The following TUBA3E variants were observed in gnomAD, a reference collection of about 807,000 sequenced individuals.
TUBA3E encodes the protein tubulin alpha 3e, also known as tubulin alpha-3E chain.
In TUBA3E, 21 loss-of-function variants were observed where a neutral mutation model predicts 36.7. The observed-to-expected ratio is 0.57, with a 90% CI of 0.41 to 0.83. The LOEUF is 0.83. Among genes scored for constraint, TUBA3E ranks in the 40% least tolerant of loss-of-function variants. The probability of loss-of-function intolerance (pLI) is 0.00; values close to 1 mark genes in which losing one functional copy is unlikely to be tolerated. For missense variants in TUBA3E, 469 were observed against 604.2 expected (o/e 0.78, Z 2.35); for synonymous variants, 177 against 241.9 (o/e 0.73, Z 2.49).
chr2:130,192,568 G>A (rs1366316324), intron 4 of TUBA3E, among the ~76,000 whole-genome samples: 4 of 152,206 alleles, frequency 2.6e-5, no homozygotes, highest in East Asian at 3.9e-4. Context: ...ACAAGCCACT[G>A]TGGATATGCA....
intron 4 of TUBA3E, among the ~76,000 whole-genome samples, chr2:130,192,340 G>A (rs1456598951): frequency 6.6e-6 from 1 of 152,194 alleles, no homozygotes; most frequent in Non-Finnish European, 1.5e-5. Flanking sequence ...ACCCTGGTGG[G>A]ATCCCAAGCT....
rs527922708 is a variant in TUBA3E at position 130,194,225 on chromosome 2, T to C, written c.617A>G (p.Asn206Ser). ...CCGACATATGTCATAGATGGCTTCA[T>C]TGTCGACCATGAAGGCACAGTCAGA... ...EHSDCAFMVD[N>S]EAIYDICRRN... Residue 206 changes from asparagine (N) to serine (S), a missense_variant, in exon 4 of 5, where the codon AAT becomes AGT. Asn to Ser is a conservative substitution (Grantham distance 46). Coordinates refer to ENST00000312988, the MANE Select transcript of TUBA3E (RefSeq NM_207312.3). 3.2e-5 allele frequency: 52 copies of C among 1,612,484 alleles called. No homozygotes were observed. The highest frequency in any genetic ancestry group is 3.8e-4 in the Middle Eastern group (2 of 5,278).
chr2:130,192,575 TGCAAAG>T (rs1690292796), intron 4 of TUBA3E, among the ~76,000 whole-genome samples: 1 of 152,196 alleles, frequency 6.6e-6, no homozygotes, highest in Admixed American at 6.5e-5. Flanking sequence ...ACTGTGGATA[TGCAAAG>T]GTAGCAGATC....
At chr2:130,193,512 G>A (rs1271779534) in intron 4 of TUBA3E, among the ~76,000 whole-genome samples, 1 of 151,000 alleles carries the variant, frequency 6.6e-6, no homozygotes. Context: ...GGGAGGGTGA[G>A]GCCAGAGAAT....
In TUBA3E at chr2:130,196,364, C is replaced by T; in HGVS notation, c.11G>A (p.Cys4Tyr). ...CGCCTGCCCCACGTGGATAGAGATA[C>T]ACTCGCGCTGTGAACCGGAACATAA... is the stretch of plus-strand genomic sequence containing the variant. Reference protein sequence around the residue: MRECISIHVGQAGV... With the variant: MREYISIHVGQAGV... Residue 4 changes from cysteine to tyrosine, a missense_variant, in exon 2 of 5, where the codon TGT becomes TAT. Physicochemically the swap from Cys to Tyr is radical, Grantham distance 194. This residue lies in a region of TUBA3E where 169 missense variants were observed against 239.0 expected (regional missense o/e 0.71). Transcript: ENST00000312988. 2.5e-6 allele frequency: 4 copies of T among 1,612,576 alleles called. No homozygotes were observed. The highest frequency in any genetic ancestry group is 2.2e-5 in the East Asian group (1 of 44,856).
Position 130,195,071 on chromosome 2 carries a change from C to G in TUBA3E, c.375+8G>C, listed in dbSNP as rs201762331. On this transcript the variant is annotated splice_region_variant and intron_variant, in intron 3 of 4. Transcript: ENST00000312988. The stretch of plus-strand genomic sequence containing the variant: ...AGACAATGGCCACATGAAACCTTCT[C>G]TTCTTACCAGTTTGCGGATCCGGTC... 151 of 1,612,806 alleles carry G rather than the reference C, an allele frequency of 9.4e-5. 1 individual carries two copies. The highest frequency in any genetic ancestry group is 1.2e-4 in the Non-Finnish European group (140 of 1,179,172).
In TUBA3E at chr2:130,198,303, G is replaced by A. The variant is rs1690462291; in HGVS notation, c.3+55C>T. The A allele has an allele frequency of 1.2e-5, 16 of 1,349,576 alleles. 4 individuals are homozygous for A. The highest frequency in any genetic ancestry group is 1.1e-4 in the South Asian group (8 of 74,954). 83.6% of individuals were successfully genotyped at this position (1,349,576 alleles called of 1,614,324 possible). A position where few individuals can be genotyped will look rare whatever the true frequency, so the allele number is the denominator to read the frequency against. ...CGCAACAACGTCCCTCTGTCCACCC[G>A]AGGCCAACTTCGTCTGCCTGGGCAT... On this transcript the variant is annotated intron_variant, in intron 1 of 4. Transcript: ENST00000312988.
In TUBA3E at chr2:130,193,937, A is replaced by C; in HGVS notation, c.905T>G (p.Met302Arg). ...GCCATGGCGAGGGTCACACTTGACC[A>C]TCTGATTGGCTGGCTCGAAGCAGGC... The part of the protein sequence containing the change: ...TNACFEPANQ[M>R]VKCDPRHGKY... Residue 302 changes from methionine (M) to arginine (R), a missense_variant, in exon 4 of 5, where the codon ATG becomes AGG. Coordinates refer to ENST00000312988, the MANE Select transcript of TUBA3E (RefSeq NM_207312.3). 1 of 1,614,236 alleles carries C rather than the reference A, an allele frequency of 6.2e-7. No homozygotes were observed. The highest frequency in any genetic ancestry group is 8.5e-7 in the Non-Finnish European group (1 of 1,180,046).
chr2:130,193,645 C>T, intron 4 of TUBA3E, 141 bp downstream of exon 4: 1 of 765,316 alleles, frequency 1.3e-6, no homozygotes, highest in Non-Finnish European at 2.0e-6. Flanking sequence ...AATCAATTAT[C>T]AACTCTGGTT....
chr2:130,194,012 G>A lies in TUBA3E; in HGVS notation c.830C>T (p.Ser277Leu), dbSNP rs1312773393. The change falls in exon 4 of 5, where the codon TCA (serine) becomes TTA (leucine). Residue 277 changes from serine (S) to leucine (L), a missense_variant. Physicochemically the swap from Ser to Leu is moderately radical, Grantham distance 145. Transcript: ENST00000312988. ...FPLATYAPVI[S>L]AEKAYHEQLS... ...CTGCTCGTGGTAGGCCTTCTCAGCT[G>A]AGATGACTGGGGCGTAGGTGGCCAG... is the stretch of plus-strand genomic sequence containing the variant. 5.0e-6 allele frequency: 8 copies of A among 1,614,186 alleles called. No homozygotes were observed. The highest frequency in any genetic ancestry group is 2.2e-5 in the East Asian group (1 of 44,878).
At position 130,194,076 on chromosome 2, in the gene TUBA3E, G is replaced by C. The variant is rs766232772; in HGVS notation, c.766C>G (p.Gln256Glu). The C allele has an allele frequency of 3.1e-6, 5 of 1,614,192 alleles. No homozygotes were observed. Among genetic ancestry groups the C allele is most frequent in the Non-Finnish European group, 4.2e-6 (5 of 1,180,020 alleles). ...GALNVDLTEF[Q>E]TNLVPYPRIH... ...CGGGGGTACGGCACGAGGTTGGTCT[G>C]GAATTCCGTCAAGTCCACATTCAGG... The change falls in exon 4 of 5, where the codon CAG becomes GAG. Residue 256 changes from glutamine (Q) to glutamate (E), a missense_variant. Gln to Glu is a conservative substitution (Grantham distance 29). Coordinates refer to ENST00000312988, the MANE Select transcript of TUBA3E (RefSeq NM_207312.3).
rs143099002 is a variant in TUBA3E at position 130,195,219 on chromosome 2, G to T, written c.235C>A (p.Arg79Ser). The T allele has an allele frequency of 3.1e-6, 5 of 1,613,834 alleles. No homozygotes were observed. The highest frequency in any genetic ancestry group is 2.2e-5 in the East Asian group (1 of 44,892). ...DLEPTVVDEV[R>S]TGTYRQLFHP... ...AAGAGCTGCCTGTAGGTCCCTGTGC[G>T]CACTTCATCTGCAAAAGAGACAGTG... Residue 79 changes from arginine to serine, a missense_variant, in exon 3 of 5, where the codon CGC (arginine) becomes AGC (serine). This residue lies in a region of TUBA3E where 169 missense variants were observed against 239.0 expected (regional missense o/e 0.71). Coordinates refer to ENST00000312988, the MANE Select transcript of TUBA3E (RefSeq NM_207312.3).
At chr2:130,192,726 G>T (rs1268013744) in intron 4 of TUBA3E, among the ~76,000 whole-genome samples, 2 of 152,154 alleles carry the variant, frequency 1.3e-5, no homozygotes, top group Non-Finnish European at 2.9e-5. Flanking sequence ...TCAGAACTCG[G>T]TAATAACATG....
chr2:130,197,270 A>G (rs10170416), intron 1 of TUBA3E, among the ~76,000 whole-genome samples: 60,236 of 150,594 alleles, frequency 0.4, 11,782 homozygotes, highest in Admixed American at 0.47. Flanking sequence ...TGAGAGGATC[A>G]CTTGGGACCA....
At chr2:130,196,042 G>A in intron 2 of TUBA3E, 107 bp downstream of exon 2, 1 of 1,367,380 alleles carries the variant, frequency 7.3e-7, no homozygotes, top group Non-Finnish European at 9.8e-7. Flanking sequence ...GCATATGCCT[G>A]TCTATCCCAT....
chr2:130,196,755 A>C (rs553155769), intron 1 of TUBA3E, among the ~76,000 whole-genome samples: 2 of 152,282 alleles, frequency 1.3e-5, no homozygotes, highest in South Asian at 4.1e-4. Context: ...TTGGGTAAGG[A>C]AATACAGAGT....
intron 2 of TUBA3E, among the ~76,000 whole-genome samples, chr2:130,195,687 G>T (rs1690386217): frequency 6.6e-6 from 1 of 152,218 alleles, no homozygotes; most frequent in Admixed American, 6.5e-5. Context: ...CCACTGAAAG[G>T]TGCTGCCTCT....
chr2:130,193,919 C>G lies in TUBA3E; in HGVS notation c.923G>C (p.Arg308Pro). ...GCAGCAGGCCATGTACTTGCCATGG[C>G]GAGGGTCACACTTGACCATCTGATT... Reference protein sequence around the residue: ...PANQMVKCDPRHGKYMACCML... With the variant: ...PANQMVKCDPPHGKYMACCML... Residue 308 changes from arginine to proline, a missense_variant, in exon 4 of 5, where the codon CGC becomes CCC. Physicochemically the swap from Arg to Pro is moderately radical, Grantham distance 103 (BLOSUM62 -2). This residue lies in a region of TUBA3E where 296 missense variants were observed against 346.9 expected (regional missense o/e 0.85). Coordinates refer to ENST00000312988, the MANE Select transcript of TUBA3E (RefSeq NM_207312.3). The G allele has an allele frequency of 6.2e-7, 1 of 1,614,192 alleles. No homozygotes were observed. Among genetic ancestry groups the G allele is most frequent in the Non-Finnish European group, 8.5e-7 (1 of 1,180,032 alleles).
chr2:130,195,087 G>A lies in TUBA3E; in HGVS notation c.367C>T (p.Arg123Cys), dbSNP rs150000338. Residue 123 changes from arginine (R) to cysteine (C), a missense_variant, in exon 3 of 5, where the codon CGC (arginine) becomes TGC (cysteine). Arg to Cys is a radical substitution (Grantham distance 180, BLOSUM62 -3). Transcript: ENST00000312988. ...AAACCTTCTCTTCTTACCAGTTTGC[G>A]GATCCGGTCCAGGACTAGGTCAACA... ...EIVDLVLDRI[R>C]KLADLCTGLQ... 45 of 1,612,648 alleles carry A rather than the reference G, an allele frequency of 2.8e-5. No homozygotes were observed. In the East Asian group the frequency reaches 2.9e-4, roughly 10 times the overall value.
Sources: allele counts gnomAD v4.1 joint callset (sites outside exome capture counted in the v4.1 genomes callset), GRCh38; gene constraint gnomAD v4.1.1; regional missense constraint gnomAD v4.1.1; transcripts MANE v1.5; gene names NCBI Gene and HGNC (gene_info 2026-07-23, HGNC 2026-07-21).